NUP50: variants seen among roughly 807,000 people sequenced by gnomAD.
The protein encoded by NUP50 is nuclear pore complex protein Nup50.
A neutral mutation model predicts 36.8 loss-of-function variants in NUP50; 14 were observed. That is an observed-to-expected ratio of 0.38 (90% CI 0.25 to 0.59). The LOEUF (loss-of-function observed/expected upper bound fraction) is 0.59, where lower values mean the gene tolerates loss of function less well. Ranked by LOEUF, NUP50 falls within the 20% of genes least tolerant of loss-of-function variation. The pLI, the probability that NUP50 is intolerant of heterozygous loss-of-function variation, is 0.63. For synonymous variants in NUP50, 195 were observed against 210.8 expected, an observed-to-expected ratio of 0.93 and a Z score of 0.65; for missense variants, 455 against 564.6, an observed-to-expected ratio of 0.81 and a Z score of 1.97.
At chr22:45,182,623 G>GTTTTTTTTTTTTT (rs550478534) in intron 6 of NUP50, among the ~76,000 whole-genome samples, 2 of 95,942 alleles carry the variant, frequency 2.1e-5, no homozygotes, top group African/African-American at 8.5e-5. Flanking sequence ...CTTGAGGTTT[G>GTTTTTTTTTTTTT]TTTTTTTTTT....
At chr22:45,184,356 T>G in intron 7 of NUP50, 97 bp from the exon 8 acceptor site, 1 of 1,121,850 alleles carries the variant, frequency 8.9e-7, no homozygotes. Context: ...TTAGATGTAT[T>G]AAGTTATTTC....
intron 1 of NUP50, chr22:45,164,886 G>A (rs132854): frequency 0.74 from 113,185 of 152,202 alleles, 42,715 homozygotes; most frequent in East Asian, 0.99. Flanking sequence ...TCTCTGGCCT[G>A]TCTTACTGCG....
rs1448296347 is a variant in NUP50 at position 45,186,250 on chromosome 22, G to C, written c.*1595G>C. On this transcript the variant is annotated 3_prime_UTR_variant, in exon 8 of 8. Transcript: ENST00000347635. Reference sequence around the variant, plus strand: ...GCTTGTCCTGTTACAGATGCTGTCAGACATAGCGATAGTAGGCACCTAGGG... The same window carrying C: ...GCTTGTCCTGTTACAGATGCTGTCACACATAGCGATAGTAGGCACCTAGGG... The C allele has an allele frequency of 1.3e-5, 2 of 152,162 alleles. No homozygotes were observed. Among genetic ancestry groups the C allele is most frequent in the Non-Finnish European group, 2.9e-5 (2 of 68,034 alleles). 9.4% of individuals were successfully genotyped at this position (152,162 alleles called of 1,614,324 possible). A position where few individuals can be genotyped will look rare whatever the true frequency, so the allele number is the denominator to read the frequency against.
At chr22:45,180,036 C>T (rs188536696) in intron 5 of NUP50, among the ~76,000 whole-genome samples, 1 of 152,372 alleles carries the variant, frequency 6.6e-6, no homozygotes, top group East Asian at 1.9e-4. Context: ...AGTATATCCT[C>T]AGGCACGGGC....
intron 2 of NUP50, among the ~76,000 whole-genome samples, chr22:45,169,618 CG>C (rs1569044083): frequency 1.3e-5 from 2 of 152,156 alleles, no homozygotes; most frequent in African/African-American, 4.8e-5. Flanking sequence ...AAGGAATAAC[CG>C]GCAGATACAG....
Position 45,164,154 on chromosome 22 carries a change from C to A in NUP50, c.-153C>A, listed in dbSNP as rs539178107. ...TCTCTGGGCTTGCCGAGCACTAAGT[C>A]CTCTGAGTTCCGCAGCGCAGCACCG... On this transcript the variant is annotated 5_prime_UTR_variant, in exon 1 of 8. Coordinates refer to ENST00000347635, the MANE Select transcript of NUP50 (RefSeq NM_007172.4). 1 of 152,334 alleles carries A rather than the reference C, an allele frequency of 6.6e-6. No homozygotes were observed. Among genetic ancestry groups the A allele is most frequent in the African/African-American group, 2.4e-5 (1 of 41,462 alleles). The allele number at this position is 152,334 out of a possible 1,614,324, so 9.4% of individuals were successfully genotyped here.
rs372997517 is a variant in NUP50 at position 45,184,486 on chromosome 22, A to T, written c.1238A>T (p.Asn413Ile). Reference protein sequence around the residue: ...NILLNVLIPPNMPCTRTGKNN... With the variant: ...NILLNVLIPPIMPCTRTGKNN... The stretch of plus-strand genomic sequence containing the variant: ...TTGCTGAACGTTCTGATTCCACCCA[A>T]TATGCCATGTACGCGAACAGGGAAG... Residue 413 changes from asparagine (N) to isoleucine (I), a missense_variant, in exon 8 of 8, where the codon AAT becomes ATT. Coordinates refer to ENST00000347635, the MANE Select transcript of NUP50 (RefSeq NM_007172.4). 1.2e-6 allele frequency: 2 copies of T among 1,613,938 alleles called. No homozygotes were observed. Among genetic ancestry groups the T allele is most frequent in the Non-Finnish European group, 8.5e-7 (1 of 1,179,850 alleles).
intron 6 of NUP50, among the ~76,000 whole-genome samples, chr22:45,182,963 AAGGAG>A (rs1054834735): frequency 3.3e-5 from 5 of 151,486 alleles, no homozygotes; most frequent in East Asian, 1.9e-4. Flanking sequence ...ACAAAAAAAA[AAGGAG>A]GGAGAGGTGG....
At chr22:45,167,904 G>A (rs2074120555) in intron 1 of NUP50, among the ~76,000 whole-genome samples, 1 of 152,066 alleles carries the variant, frequency 6.6e-6, no homozygotes, top group African/African-American at 2.4e-5. Flanking sequence ...TCCAAATGGA[G>A]TCGGTTTAGT....
intron 5 of NUP50, chr22:45,179,248 A>G (rs556939522): frequency 4.7e-6 from 1 of 213,708 alleles, no homozygotes; most frequent in East Asian, 1.2e-4. Flanking sequence ...TTCATCATGA[A>G]TGTCCCCTGA....
In NUP50 at chr22:45,186,379, A is replaced by G. The variant is rs1320557739; in HGVS notation, c.*1724A>G. ...TAAGCAAGCGGTTGATGCTGTTAAT[A>G]CCGGCCCCACCCGATTGACATTAAG... On this transcript the variant is annotated 3_prime_UTR_variant, in exon 8 of 8. Transcript: ENST00000347635. The G allele has an allele frequency of 6.6e-6, 1 of 152,216 alleles. No individual in the cohort carries two copies. Among genetic ancestry groups the G allele is most frequent in the Non-Finnish European group, 1.5e-5 (1 of 68,044 alleles). 9.4% of individuals were successfully genotyped at this position (152,216 alleles called of 1,614,324 possible).
rs1250476477 is a variant in NUP50, at chr22:45,186,562, G to A, written c.*1907G>A. On this transcript the variant is annotated 3_prime_UTR_variant, in exon 8 of 8. Transcript: ENST00000347635. Reference sequence around the variant, plus strand: ...ATGACACAGTACTTTGTTAGCGTCTGCGTGTGTATGGAAAGTTGACAAAAA... The same window carrying A: ...ATGACACAGTACTTTGTTAGCGTCTACGTGTGTATGGAAAGTTGACAAAAA... 1 of 152,600 alleles carries A rather than the reference G, an allele frequency of 6.6e-6. No individual in the cohort carries two copies. Among genetic ancestry groups the A allele is most frequent in the African/African-American group, 2.4e-5 (1 of 41,446 alleles). 9.5% of individuals were successfully genotyped at this position (152,600 alleles called of 1,614,324 possible).
intron 3 of NUP50, among the ~76,000 whole-genome samples, chr22:45,174,881 G>A (rs974136843): frequency 6.6e-6 from 1 of 152,092 alleles, no homozygotes. Context: ...CTGTAGATGA[G>A]ATTGAAACTT....
intron 5 of NUP50, 46 bp from the exon 6 acceptor site, chr22:45,181,240 A>G (rs1279297291): frequency 7.5e-7 from 1 of 1,339,602 alleles, no homozygotes; most frequent in Non-Finnish European, 1.0e-6. Context: ...CACTTCTTTA[A>G]GCTCTGGATT....
intron 7 of NUP50, 150 bp downstream of exon 7, chr22:45,183,670 C>T: frequency 1.6e-6 from 1 of 625,796 alleles, no homozygotes; most frequent in East Asian, 2.7e-5. Flanking sequence ...GTTTTGAGTC[C>T]CAGGATAATA....
In NUP50 at chr22:45,164,277, C is replaced by A. The variant is rs552145719; in HGVS notation, c.-30C>A. The A allele has an allele frequency of 6.5e-6, 1 of 152,700 alleles. No homozygotes were observed. The highest frequency in any genetic ancestry group is 2.4e-5 in the African/African-American group (1 of 41,452). 9.5% of individuals were successfully genotyped at this position (152,700 alleles called of 1,614,324 possible). ...CGCCGCAACCAAGACCCAGCGAGTG[C>A]AGCGGCGGCCGCCGAGGAGGTGAGG... is the stretch of plus-strand genomic sequence containing the variant. On this transcript the variant is annotated 5_prime_UTR_variant, in exon 1 of 8. Coordinates refer to ENST00000347635, the MANE Select transcript of NUP50 (RefSeq NM_007172.4).
rs2074462736 is a variant in NUP50 at position 45,185,879 on chromosome 22, T to C, written c.*1224T>C. The stretch of plus-strand genomic sequence containing the variant: ...TAAATTTCCACTGAGTCCTCATGAA[T>C]CATTTGAGACTAGTACCAGCTGATC... On this transcript the variant is annotated 3_prime_UTR_variant, in exon 8 of 8. Transcript: ENST00000347635. 1 of 152,088 alleles carries C rather than the reference T, an allele frequency of 6.6e-6. No homozygotes were observed. The allele number at this position is 152,088 out of a possible 1,614,324, so 9.4% of individuals were successfully genotyped here. A position where few individuals can be genotyped will look rare whatever the true frequency, so the allele number is the denominator to read the frequency against.
In NUP50 at chr22:45,186,415, T is replaced by C. The variant is rs1430495998; in HGVS notation, c.*1760T>C. On this transcript the variant is annotated 3_prime_UTR_variant, in exon 8 of 8. Coordinates refer to ENST00000347635, the MANE Select transcript of NUP50 (RefSeq NM_007172.4). The stretch of plus-strand genomic sequence containing the variant: ...CCGATTGACATTAAGTTTATTCAGC[T>C]TTTAAAAAGATGAAGAACTAAGGGG... The C allele has an allele frequency of 6.6e-6, 1 of 152,218 alleles. No individual in the cohort carries two copies. Among genetic ancestry groups the C allele is most frequent in the African/African-American group, 2.4e-5 (1 of 41,440 alleles). 9.4% of individuals were successfully genotyped at this position (152,218 alleles called of 1,614,324 possible).
chr22:45,171,089 G>C, intron 2 of NUP50: 1 of 1,297,068 alleles, frequency 7.7e-7, no homozygotes, highest in Admixed American at 2.4e-5. Flanking sequence ...CACTGTGGAA[G>C]AGCAGTGGTT....
Sources: allele counts gnomAD v4.1 joint callset (sites outside exome capture counted in the v4.1 genomes callset), GRCh38; gene constraint gnomAD v4.1.1; transcripts MANE v1.5; gene names NCBI Gene and HGNC (gene_info 2026-07-23, HGNC 2026-07-21).